The following IL1RAPL1 variants were observed in gnomAD, a reference collection of about 807,000 sequenced individuals.
IL1RAPL1 encodes the protein interleukin 1 receptor accessory protein like 1.
In IL1RAPL1, 3 loss-of-function variants were observed where a neutral mutation model predicts 48.4. The ratio of observed to expected loss-of-function variants is 0.06; its 90% CI spans 0.03 to 0.16. The LOEUF is 0.16. IL1RAPL1 is among the 10% of genes least tolerant of loss of function. IL1RAPL1 has a pLI of 1.00. For missense variants in IL1RAPL1, 349 were observed against 530.6 expected (o/e 0.66, Z 3.36); for synonymous variants, 185 against 187.7 (o/e 0.99, Z 0.12).
Position 29,803,001 on chromosome X carries a change from G to A in IL1RAPL1, c.779-114463G>A, listed in dbSNP as rs866413422. Among the ~76,000 whole-genome samples, 74 of 43,027 alleles carry A rather than the reference G, an allele frequency of 1.7e-3. 4 individuals carry two copies. The highest frequency in any genetic ancestry group is 6.9e-3 in the African/African-American group (63 of 9,144). The allele number at this position is 43,027 out of a possible 115,157, so 37.4% of individuals were successfully genotyped here. A position where few individuals can be genotyped will look rare whatever the true frequency, so the allele number is the denominator to read the frequency against. ...CATACATGTGTACATATATATGTAT[G>A]CATATATACATATGTGTACATATAC... is the stretch of plus-strand genomic sequence containing the variant. On this transcript the variant is annotated intron_variant, in intron 6 of 10. Coordinates refer to ENST00000378993, the MANE Select transcript of IL1RAPL1 (RefSeq NM_014271.4).
At chrX:29,225,329 C>T (rs1221775944) in intron 2 of IL1RAPL1, among the ~76,000 whole-genome samples, 5 of 111,951 alleles carry the variant, frequency 4.5e-5, no homozygotes, top group African/African-American at 1.3e-4. Flanking sequence ...TAATGTTCCA[C>T]GTTCCAAGTC....
chrX:29,117,815 A>G (rs755471106), intron 2 of IL1RAPL1, among the ~76,000 whole-genome samples: 22 of 111,497 alleles, frequency 2.0e-4, no homozygotes, highest in Non-Finnish European at 3.2e-4. Context: ...TACAGATCCC[A>G]TAAGTCTGTC....
At chrX:28,694,622 CA>C (rs1415602627) in intron 1 of IL1RAPL1, among the ~76,000 whole-genome samples, 1 of 111,049 alleles carries the variant, frequency 9.0e-6, no homozygotes, top group African/African-American at 3.3e-5. Flanking sequence ...TAGGACAATT[CA>C]AAAAAACAAA....
intron 6 of IL1RAPL1, among the ~76,000 whole-genome samples, chrX:29,719,039 AAAGT>A: frequency 8.9e-6 from 1 of 112,334 alleles, no homozygotes; most frequent in Non-Finnish European, 1.9e-5. Flanking sequence ...TCATCTTTGA[AAAGT>A]AAGAGGAAAA....
At chrX:29,728,006 C>T (rs1331575240) in intron 6 of IL1RAPL1, among the ~76,000 whole-genome samples, 1 of 110,946 alleles carries the variant, frequency 9.0e-6, no homozygotes, top group African/African-American at 3.3e-5. Context: ...GGCGCGATCT[C>T]GGCTCACTGC....
At chrX:28,998,239 T>C (rs1925767050) in intron 2 of IL1RAPL1, among the ~76,000 whole-genome samples, 1 of 110,734 alleles carries the variant, frequency 9.0e-6, no homozygotes, top group South Asian at 3.9e-4. Flanking sequence ...TTCTGTCCAG[T>C]ATTAGAAATA....
chrX:28,722,473 A>G (rs2146940854), intron 1 of IL1RAPL1, among the ~76,000 whole-genome samples: 1 of 111,964 alleles, frequency 8.9e-6, no homozygotes, highest in Admixed American at 9.5e-5. Flanking sequence ...GTTGCTTATC[A>G]GCTTAAGGAG....
Position 29,621,780 on chromosome X carries a change from G to A in IL1RAPL1, c.704-46650G>A, listed in dbSNP as rs886246943. Among the ~76,000 whole-genome samples the A allele has an allele frequency of 4.5e-5, 5 of 111,928 alleles. No individual in the cohort carries two copies. In the Admixed American group the frequency reaches 4.8e-4, roughly 11 times the overall value. On this transcript the variant is annotated intron_variant, in intron 5 of 10. Transcript: ENST00000378993. ...TATTTTCTTTATGCTAGAAATACATGAAATATTCTCTTCTAGCAATTTTGA... is the reference window on the plus strand; with the variant it reads ...TATTTTCTTTATGCTAGAAATACATAAAATATTCTCTTCTAGCAATTTTGA...
chrX:28,885,032 C>G (rs1418957240), intron 2 of IL1RAPL1, among the ~76,000 whole-genome samples: 2 of 110,928 alleles, frequency 1.8e-5, no homozygotes, highest in African/African-American at 6.5e-5. Flanking sequence ...TAAGATGTTA[C>G]AACTGGTAAA....
chrX:29,418,105 A>G (rs1167877693), intron 5 of IL1RAPL1, among the ~76,000 whole-genome samples: 3 of 38,489 alleles, frequency 7.8e-5, no homozygotes, highest in Non-Finnish European at 1.4e-4. Flanking sequence ...ATATATATAT[A>G]TATATATATA....
At chrX:28,678,080 T>G (rs371893476) in intron 1 of IL1RAPL1, among the ~76,000 whole-genome samples, 22 of 111,611 alleles carry the variant, frequency 2.0e-4, no homozygotes, top group African/African-American at 5.5e-4. Context: ...CTTTATTGAT[T>G]GAATGCTAGC....
intron 6 of IL1RAPL1, among the ~76,000 whole-genome samples, chrX:29,736,429 G>A (rs934301279): frequency 1.8e-4 from 20 of 111,735 alleles, no homozygotes; most frequent in African/African-American, 6.5e-4. Context: ...TCACACATGT[G>A]TATTAAAGAA....
At chrX:28,961,466 A>T (rs1343150505) in intron 2 of IL1RAPL1, among the ~76,000 whole-genome samples, 1 of 111,113 alleles carries the variant, frequency 9.0e-6, no homozygotes, top group Non-Finnish European at 1.9e-5. Context: ...CCCCGCATGC[A>T]TTAGGTATTT....
chrX:28,968,164 T>G (rs1238212270), intron 2 of IL1RAPL1, among the ~76,000 whole-genome samples: 2 of 111,956 alleles, frequency 1.8e-5, no homozygotes, highest in African/African-American at 6.5e-5. Flanking sequence ...TATAAGCTGG[T>G]GGACTTCTTT....
rs747745916 is a variant in IL1RAPL1 at position 28,819,684 on chromosome X, A to G, written c.82+30259A>G. Among the ~76,000 whole-genome samples the G allele has an allele frequency of 4.6e-5, 5 of 109,286 alleles. No homozygotes were observed. The East Asian group carries it at 1.5e-3, about 32-fold the overall frequency. 94.9% of individuals were successfully genotyped at this position (109,286 alleles called of 115,157 possible). ...TTAGTTATATAAATCATTCTGTGGA[A>G]AATAATAAAATTGTGTAAGATCAGA... is the stretch of plus-strand genomic sequence containing the variant. On this transcript the variant is annotated intron_variant, in intron 2 of 10. Transcript: ENST00000378993.
At chrX:29,886,059 C>T (rs1396972199) in intron 6 of IL1RAPL1, among the ~76,000 whole-genome samples, 1 of 111,471 alleles carries the variant, frequency 9.0e-6, no homozygotes, top group African/African-American at 3.3e-5. Context: ...AGTAATAGTT[C>T]CAGTCATTGC....
intron 2 of IL1RAPL1, among the ~76,000 whole-genome samples, chrX:28,792,931 T>C (rs966543213): frequency 1.0e-5 from 1 of 97,345 alleles, no homozygotes; most frequent in African/African-American, 3.8e-5. Flanking sequence ...GTTTTAAATA[T>C]CACTTCAGAT....
chrX:29,123,629 A>C (rs1234236166), intron 2 of IL1RAPL1, among the ~76,000 whole-genome samples: 1 of 111,519 alleles, frequency 9.0e-6, no homozygotes, highest in East Asian at 2.8e-4. Flanking sequence ...GCCAATCAAG[A>C]GTAACTATGT....
chrX:29,119,681 G>T (rs1490380789), intron 2 of IL1RAPL1, among the ~76,000 whole-genome samples: 1 of 111,151 alleles, frequency 9.0e-6, no homozygotes, highest in Non-Finnish European at 1.9e-5. Context: ...AAGTCTGAGA[G>T]TTAAAAACTA....
Sources: allele counts gnomAD v4.1 joint callset (sites outside exome capture counted in the v4.1 genomes callset), GRCh38; gene constraint gnomAD v4.1.1; transcripts MANE v1.5; gene names NCBI Gene and HGNC (gene_info 2026-07-23, HGNC 2026-07-21).